TOX: variants seen among roughly 807,000 people sequenced by gnomAD.
TOX encodes the protein thymocyte selection-associated high mobility group box protein TOX.
A neutral mutation model predicts 53.7 loss-of-function variants in TOX; 11 were observed. That is an observed-to-expected ratio of 0.20 (90% confidence interval 0.13 to 0.34). The LOEUF (loss-of-function observed/expected upper bound fraction) is 0.34. Ranked by LOEUF, TOX falls within the 10% of genes least tolerant of loss-of-function variation. The pLI is 1.00. For synonymous variants in TOX, 225 were observed against 245.3 expected (o/e 0.92, Z 0.77); for missense variants, 570 against 664.6 (o/e 0.86, Z 1.56).
chr8:58,862,040 G>T (rs528463917), intron 3 of TOX, among the ~76,000 whole-genome samples: 1 of 152,146 alleles, frequency 6.6e-6, no homozygotes, highest in East Asian at 1.9e-4. Context: ...GAGACTTGAA[G>T]AAAAGTACAA....
In TOX at chr8:58,851,172, C is replaced by T. The variant is rs1377934458; in HGVS notation, c.693+352G>A. On this transcript the variant is annotated intron_variant, in intron 4 of 8. Coordinates refer to ENST00000361421, the MANE Select transcript of TOX (RefSeq NM_014729.3). The surrounding 1 kb of genome is among the most constrained non-coding windows in gnomAD (Gnocchi z 4.4). ...TCTCTCTCTCTGTCTCTCTCTCTCT[C>T]TCTCTCTCTCTCTCACACACACACA... Among the ~76,000 whole-genome samples, 3 of 145,642 alleles carry T rather than the reference C, an allele frequency of 2.1e-5. No individual in the cohort carries two copies. Among genetic ancestry groups the T allele is most frequent in the Non-Finnish European group, 3.0e-5 (2 of 66,746 alleles).
intron 3 of TOX, among the ~76,000 whole-genome samples, chr8:58,924,169 G>C (rs545952769): frequency 6.6e-6 from 1 of 152,192 alleles, no homozygotes; most frequent in African/African-American, 2.4e-5. Context: ...GATATTCAAA[G>C]ATTTTCATGC....
intron 1 of TOX, among the ~76,000 whole-genome samples, chr8:59,062,925 T>C (rs942564691): frequency 6.6e-6 from 1 of 152,188 alleles, no homozygotes; most frequent in African/African-American, 2.4e-5. Flanking sequence ...CTGTAAATGA[T>C]TTAATTTAAT....
intron 3 of TOX, among the ~76,000 whole-genome samples, chr8:58,887,410 C>A (rs148478046): frequency 3.3e-5 from 5 of 151,966 alleles, no homozygotes; most frequent in Non-Finnish European, 5.9e-5. Context: ...CCTCTAAAGC[C>A]ATTTATACAT....
intron 1 of TOX, 116 bp from the exon 2 acceptor site, chr8:58,960,124 A>G: frequency 9.0e-7 from 1 of 1,112,940 alleles, no homozygotes; most frequent in Non-Finnish European, 1.3e-6. Flanking sequence ...CATAAAAAAT[A>G]CTGCGGCTGG....
chr8:58,879,060 C>CAAAAAAA (rs36010111), intron 3 of TOX, among the ~76,000 whole-genome samples: 1 of 128,062 alleles, frequency 7.8e-6, no homozygotes, highest in Non-Finnish European at 1.7e-5. Flanking sequence ...GACTTCATCT[C>CAAAAAAA]AAAAAAAAAA....
At chr8:58,908,751 T>A (rs1563386288) in intron 3 of TOX, among the ~76,000 whole-genome samples, 1 of 152,182 alleles carries the variant, frequency 6.6e-6, no homozygotes, top group Non-Finnish European at 1.5e-5. Context: ...CACAAGACAA[T>A]ATATATTTAC....
intron 3 of TOX, among the ~76,000 whole-genome samples, chr8:58,872,924 G>C (rs1297562229): frequency 6.6e-6 from 1 of 152,112 alleles, no homozygotes; most frequent in Non-Finnish European, 1.5e-5. Flanking sequence ...TCATACTAAT[G>C]TAAGATGTTA....
intron 1 of TOX, among the ~76,000 whole-genome samples, chr8:59,081,659 TA>T (rs1804410319): frequency 6.6e-6 from 1 of 152,186 alleles, no homozygotes; most frequent in Non-Finnish European, 1.5e-5. Flanking sequence ...CCTCTGAAGG[TA>T]TTGATCATGT....
intron 3 of TOX, among the ~76,000 whole-genome samples, chr8:58,915,396 T>C (rs988995238): frequency 2.2e-5 from 2 of 90,606 alleles, no homozygotes; most frequent in African/African-American, 4.6e-5. Flanking sequence ...CCCTGACCCC[T>C]GACCCCCGAG....
chr8:58,898,868 G>A (rs909968017), intron 3 of TOX, among the ~76,000 whole-genome samples: 7 of 152,132 alleles, frequency 4.6e-5, no homozygotes, highest in Non-Finnish European at 7.4e-5. Context: ...CTATTCTTAT[G>A]TATTAAGCAT....
chr8:58,953,416 C>T (rs186061952), intron 2 of TOX, among the ~76,000 whole-genome samples: 2 of 152,292 alleles, frequency 1.3e-5, no homozygotes, highest in East Asian at 3.9e-4. Context: ...AACTTGTGTG[C>T]TCAAGTGAAG....
intron 2 of TOX, among the ~76,000 whole-genome samples, chr8:58,951,922 AT>A (rs927650909): frequency 6.6e-6 from 1 of 152,240 alleles, no homozygotes; most frequent in African/African-American, 2.4e-5. Flanking sequence ...TTATAGTTAC[AT>A]TTTTAAACAC....
At chr8:59,060,498 G>A (rs866022538) in intron 1 of TOX, among the ~76,000 whole-genome samples, 9 of 152,136 alleles carry the variant, frequency 5.9e-5, no homozygotes, top group Non-Finnish European at 1.2e-4. Context: ...GTGCTGGCAC[G>A]TGCCTGTAGT....
intron 1 of TOX, among the ~76,000 whole-genome samples, chr8:59,024,684 C>G (rs924659286): frequency 1.3e-5 from 2 of 151,928 alleles, no homozygotes; most frequent in Non-Finnish European, 2.9e-5. Context: ...TTCAGATAAT[C>G]TGAATTATAT....
intron 1 of TOX, among the ~76,000 whole-genome samples, chr8:58,964,079 A>G (rs1812849000): frequency 1.3e-5 from 2 of 152,198 alleles, no homozygotes; most frequent in African/African-American, 4.8e-5. Context: ...AGAGAACAAC[A>G]ACGACAACAA....
At chr8:58,952,101 G>C (rs549440669) in intron 2 of TOX, among the ~76,000 whole-genome samples, 1 of 152,248 alleles carries the variant, frequency 6.6e-6, no homozygotes, top group African/African-American at 2.4e-5. Context: ...CTTTTTTAAA[G>C]GTGTTTGAAG....
intron 2 of TOX, among the ~76,000 whole-genome samples, chr8:58,959,621 T>C (rs747525445): frequency 3.3e-5 from 5 of 152,222 alleles, no homozygotes; most frequent in Non-Finnish European, 7.3e-5. Flanking sequence ...TTAAATCATC[T>C]ACAGTCAGAA....
At chr8:58,977,812 G>A (rs945755943) in intron 1 of TOX, among the ~76,000 whole-genome samples, 8 of 152,126 alleles carry the variant, frequency 5.3e-5, no homozygotes, top group African/African-American at 1.9e-4. Flanking sequence ...TTATATAGGT[G>A]CAGTTCATGA....
Sources: allele counts gnomAD v4.1 joint callset (sites outside exome capture counted in the v4.1 genomes callset), GRCh38; gene constraint gnomAD v4.1.1; non-coding constraint Gnocchi (gnomAD v3.1); transcripts MANE v1.5; gene names NCBI Gene and HGNC (gene_info 2026-07-23, HGNC 2026-07-21).